The following ELAVL3 variants were observed in gnomAD, a reference collection of about 807,000 sequenced individuals.
The protein encoded by ELAVL3 is ELAV like RNA binding protein 3.
In ELAVL3, 8 loss-of-function variants were observed where a neutral mutation model predicts 34.2. The ratio of observed to expected loss-of-function variants is 0.23; its 90% CI spans 0.14 to 0.42. ELAVL3 has a LOEUF of 0.42. ELAVL3 is among the 10% of genes least tolerant of loss of function. ELAVL3 has a pLI of 1.00. For missense variants in ELAVL3, 273 were observed against 518.8 expected, an observed-to-expected ratio of 0.53 and a Z score of 4.60; for synonymous variants, 209 against 222.1, an observed-to-expected ratio of 0.94 and a Z score of 0.53.
intron 1 of ELAVL3, among the ~76,000 whole-genome samples, chr19:11,474,915 G>A (rs112943209): frequency 0.065 from 9,845 of 152,152 alleles, 372 homozygotes; most frequent in Admixed American, 0.092. Context: ...CTGCAACTCC[G>A]CCTCCTGGGT....
chr19:11,454,499 G>C lies in ELAVL3; in HGVS notation c.*27C>G, dbSNP rs760668510. 1.4e-5 allele frequency: 22 copies of C among 1,534,812 alleles called. No individual in the cohort carries two copies. The highest frequency in any genetic ancestry group is 4.6e-5 in the East Asian group (2 of 43,044). The stretch of plus-strand genomic sequence containing the variant: ...TCTCTCTCTCTCTGCTGCCCGGGGA[G>C]GGGGTGGGAGGGCAGGCGGGGTGGG... On this transcript the variant is annotated 3_prime_UTR_variant, in exon 7 of 7. Coordinates refer to ENST00000359227, the MANE Select transcript of ELAVL3 (RefSeq NM_001420.4). The surrounding 1 kb of genome is among the most constrained non-coding windows in gnomAD (Gnocchi z 9.2).
chr19:11,466,724 T>C lies in ELAVL3; in HGVS notation c.113A>G (p.Lys38Arg), dbSNP rs1261267261. Residue 38 changes from lysine to arginine, a missense_variant, in exon 2 of 7, where the codon AAG (lysine) becomes AGG (arginine). By Grantham distance (26) the Lys-to-Arg change is conservative (BLOSUM62 2). Transcript: ENST00000359227. The surrounding 1 kb of genome is among the most constrained non-coding windows in gnomAD (Gnocchi z 5.0). The stretch of plus-strand genomic sequence containing the variant: ...CAGGTAGTTGACGATGAGGTTGGTC[T>C]TGCTGTCGTCAGTGGCTCCATTTGT... ...LGTNGATDDS[K>R]TNLIVNYLPQ... 1.2e-6 allele frequency: 2 copies of C among 1,614,222 alleles called. No homozygotes were observed. Among genetic ancestry groups the C allele is most frequent in the African/African-American group, 1.3e-5 (1 of 75,066 alleles).
At position 11,466,783 on chromosome 19, in the gene ELAVL3, G is replaced by A. The variant is rs62000391; in HGVS notation, c.54C>T (p.Ala18=). The change falls in exon 2 of 7, where the codon GCC becomes GCT. Residue 18 remains alanine, a synonymous_variant. Transcript: ENST00000359227. This position sits in a 1 kb window ranked among gnomAD's most constrained non-coding sequence, Gnocchi z 5.0. ...GTGGCCCGTTGGGCAGGGCCGGGCC[G>A]GCCGGGCCCCCCCCCACCTGAGACT... ...AMESQVGGGP[A]GPALPNGPLL... is the part of the protein sequence containing the mutation. 3,186 of 1,613,262 alleles carry A rather than the reference G, an allele frequency of 2.0e-3. 55 individuals carry two copies. The African/African-American group carries it at 0.035, about 18-fold the overall frequency.
rs889769517 is a variant in ELAVL3 at position 11,454,317 on chromosome 19, G to A, written c.*209C>T. On this transcript the variant is annotated 3_prime_UTR_variant, in exon 7 of 7. Coordinates refer to ENST00000359227, the MANE Select transcript of ELAVL3 (RefSeq NM_001420.4). This position sits in a 1 kb window ranked among gnomAD's most constrained non-coding sequence, Gnocchi z 9.2. Reference sequence around the variant, plus strand: ...TGGGGTGGGGGCAGGAGGATGGGGCGGGGGATCCCCGGGCACCCCCCCAAT... The same window carrying A: ...TGGGGTGGGGGCAGGAGGATGGGGCAGGGGATCCCCGGGCACCCCCCCAAT... 1.9e-5 allele frequency: 11 copies of A among 570,734 alleles called. No individual in the cohort carries two copies. Among genetic ancestry groups the A allele is most frequent in the Admixed American group, 6.3e-5 (2 of 31,936 alleles). The allele number at this position is 570,734 out of a possible 1,614,324, so 35.4% of individuals were successfully genotyped here.
rs1197250775 is a variant in ELAVL3, at chr19:11,480,552, C to A, written c.9+48G>T. On this transcript the variant is annotated intron_variant, in intron 1 of 6. Transcript: ENST00000359227. The surrounding 1 kb of genome is among the most constrained non-coding windows in gnomAD (Gnocchi z 6.8). ...GCCCAATCTCCGCGGAGCCTGGGCCCAACTCCTCCCCGTCCCGATTCCCTT... is the reference window on the plus strand; with the variant it reads ...GCCCAATCTCCGCGGAGCCTGGGCCAAACTCCTCCCCGTCCCGATTCCCTT... The A allele has an allele frequency of 6.6e-7, 1 of 1,512,478 alleles. No individual in the cohort carries two copies. Among genetic ancestry groups the A allele is most frequent in the Middle Eastern group, 1.8e-4 (1 of 5,464 alleles). 93.7% of individuals were successfully genotyped at this position (1,512,478 alleles called of 1,614,324 possible). A position where few individuals can be genotyped will look rare whatever the true frequency, so the allele number is the denominator to read the frequency against.
At position 11,476,925 on chromosome 19, in the gene ELAVL3, TA is replaced by T. The variant is rs1033774889; in HGVS notation, c.9+3674del. ...AAAATTAGAAAAATAAAATAAAAAA[TA>T]AAAAAAAAAGAATTCAGTTCCAGGG... is the stretch of plus-strand genomic sequence containing the variant. On this transcript the variant is annotated intron_variant, in intron 1 of 6. Coordinates refer to ENST00000359227, the MANE Select transcript of ELAVL3 (RefSeq NM_001420.4). 9.2e-4 allele frequency among the ~76,000 whole-genome samples: 134 copies of T among 145,734 alleles called. 1 individual carries two copies. Among genetic ancestry groups the T allele is most frequent in the South Asian group, 7.6e-3 (35 of 4,592 alleles).
At chr19:11,457,239 C>G in intron 5 of ELAVL3, 91 bp from the exon 6 acceptor site, 2 of 1,335,508 alleles carry the variant, frequency 1.5e-6, no homozygotes, top group Non-Finnish European at 2.0e-6. Flanking sequence ...CCCCACCCAA[C>G]AGGCCTGCAG....
At chr19:11,476,572 T>G (rs1971267329) in intron 1 of ELAVL3, among the ~76,000 whole-genome samples, 1 of 149,048 alleles carries the variant, frequency 6.7e-6, no homozygotes. Context: ...AATGAAGGAA[T>G]AGGAACAGAG....
rs1167064026 is a variant in ELAVL3 at position 11,480,675 on chromosome 19, G to A, written c.-67C>T. On this transcript the variant is annotated 5_prime_UTR_variant, in exon 1 of 7. Transcript: ENST00000359227. This position sits in a 1 kb window ranked among gnomAD's most constrained non-coding sequence, Gnocchi z 6.8. ...CCGGGGGTGGTGCACTCCTAGGGGG[G>A]CGCCCGATGCTCACGCTGGGGTCCC... 4 of 1,339,896 alleles carry A rather than the reference G, an allele frequency of 3.0e-6. No individual in the cohort carries two copies. The highest frequency in any genetic ancestry group is 1.5e-5 in the African/African-American group (1 of 66,236). The allele number at this position is 1,339,896 out of a possible 1,614,324, so 83.0% of individuals were successfully genotyped here. A position where few individuals can be genotyped will look rare whatever the true frequency, so the allele number is the denominator to read the frequency against.
At chr19:11,478,462 A>T (rs1186439221) in intron 1 of ELAVL3, among the ~76,000 whole-genome samples, 2 of 152,156 alleles carry the variant, frequency 1.3e-5, no homozygotes, top group Non-Finnish European at 2.9e-5. Context: ...GATGGTGGCT[A>T]CATGGGCATC....
At chr19:11,476,054 T>A (rs972126398) in intron 1 of ELAVL3, among the ~76,000 whole-genome samples, 1 of 152,196 alleles carries the variant, frequency 6.6e-6, no homozygotes, top group Non-Finnish European at 1.5e-5. Context: ...TTGGGTTGAT[T>A]AGCAATGTCT....
At position 11,469,526 on chromosome 19, in the gene ELAVL3, C is replaced by T. The variant is rs371773758; in HGVS notation, c.10-2699G>A. ...AACTCTTGACCTCAGGTGATCCACC[C>T]GCCTCAGCCTCCCAAAGTGCTGGGA... On this transcript the variant is annotated intron_variant, in intron 1 of 6. Coordinates refer to ENST00000359227, the MANE Select transcript of ELAVL3 (RefSeq NM_001420.4). Among the ~76,000 whole-genome samples, 7 of 151,130 alleles carry T rather than the reference C, an allele frequency of 4.6e-5. No individual in the cohort carries two copies. In the South Asian group the frequency reaches 8.4e-4, roughly 18 times the overall value.
chr19:11,457,185 A>T (rs916084996), intron 5 of ELAVL3, 37 bp from the exon 6 acceptor site: 2 of 1,542,918 alleles, frequency 1.3e-6, no homozygotes, highest in Admixed American at 4.1e-5. Flanking sequence ...GGTGGCTTCC[A>T]GTCACGCCCC....
chr19:11,464,613 C>T (rs1304365227), intron 3 of ELAVL3, among the ~76,000 whole-genome samples: 9 of 147,764 alleles, frequency 6.1e-5, no homozygotes, highest in South Asian at 4.2e-4. Context: ...ATACACCACA[C>T]ACACCACACA....
rs563453080 is a variant in ELAVL3 at position 11,465,381 on chromosome 19, CACAT to C, written c.333+787_333+790del. ...ACACATGCGTACACATATACATACACACATACACACACACATACACGCTGCATCT... is the reference window on the plus strand; with the variant it reads ...ACACATGCGTACACATATACATACACACACACACACATACACGCTGCATCT... On this transcript the variant is annotated intron_variant, in intron 3 of 6. Coordinates refer to ENST00000359227, the MANE Select transcript of ELAVL3 (RefSeq NM_001420.4). 2.2e-4 allele frequency among the ~76,000 whole-genome samples: 33 copies of C among 151,230 alleles called. No individual in the cohort carries two copies. In the South Asian group the frequency reaches 5.7e-3, roughly 26 times the overall value.
At chr19:11,457,550 T>G (rs1420843656) in intron 5 of ELAVL3, among the ~76,000 whole-genome samples, 1 of 152,166 alleles carries the variant, frequency 6.6e-6, no homozygotes, top group Admixed American at 6.5e-5. Context: ...GGGCTTCCAT[T>G]GTCTCCCCTT....
intron 1 of ELAVL3, among the ~76,000 whole-genome samples, chr19:11,469,867 G>A (rs1363336496): frequency 6.6e-6 from 1 of 152,152 alleles, no homozygotes; most frequent in African/African-American, 2.4e-5. Context: ...AGACCAGCCT[G>A]GGCAACATGG....
In ELAVL3 at chr19:11,480,376, G is replaced by T. The variant is rs868129801; in HGVS notation, c.9+224C>A. 2.3e-5 allele frequency: 10 copies of T among 434,244 alleles called. No homozygotes were observed. The Admixed American group carries it at 3.5e-4, about 15-fold the overall frequency. The allele number at this position is 434,244 out of a possible 1,614,324, so 26.9% of individuals were successfully genotyped here. A position where few individuals can be genotyped will look rare whatever the true frequency, so the allele number is the denominator to read the frequency against. On this transcript the variant is annotated intron_variant, in intron 1 of 6. Coordinates refer to ENST00000359227, the MANE Select transcript of ELAVL3 (RefSeq NM_001420.4). This position sits in a 1 kb window ranked among gnomAD's most constrained non-coding sequence, Gnocchi z 6.8. ...GGCGGCGTCGGACGCCTCCCGAATC[G>T]CAGTCAGTCTCCCTAAGGCCCTCTC...
chr19:11,458,031 C>G lies in ELAVL3; in HGVS notation c.713+30G>C. 1 of 1,603,946 alleles carries G rather than the reference C, an allele frequency of 6.2e-7. No homozygotes were observed. The highest frequency in any genetic ancestry group is 8.5e-7 in the Non-Finnish European group (1 of 1,177,778). On this transcript the variant is annotated intron_variant, in intron 5 of 6. Coordinates refer to ENST00000359227, the MANE Select transcript of ELAVL3 (RefSeq NM_001420.4). The surrounding 1 kb of genome is among the most constrained non-coding windows in gnomAD (Gnocchi z 7.3). ...GGTTGCAAGCTTGGGGGCACCCGGC[C>G]TGGGGCCATCTGGCTGGCAGGGGGC... is the stretch of plus-strand genomic sequence containing the variant.
Sources: allele counts gnomAD v4.1 joint callset (sites outside exome capture counted in the v4.1 genomes callset), GRCh38; gene constraint gnomAD v4.1.1; non-coding constraint Gnocchi (gnomAD v3.1); transcripts MANE v1.5; gene names NCBI Gene and HGNC (gene_info 2026-07-23, HGNC 2026-07-21).